Variants in XPO1 observed in about 807,000 individuals in gnomAD.
XPO1 encodes the protein exportin-1.
A neutral mutation model predicts 133.3 loss-of-function variants in XPO1; 5 were observed. That is an observed-to-expected ratio of 0.04 (90% CI 0.02 to 0.08). XPO1 has a LOEUF of 0.08. Among genes scored for constraint, XPO1 ranks in the 10% least tolerant of loss-of-function variants. The pLI is 1.00. For missense variants in XPO1, 506 were observed against 1,267.5 expected, an observed-to-expected ratio of 0.40 and a Z score of 9.12; for synonymous variants, 419 against 408.2, an observed-to-expected ratio of 1.03 and a Z score of -0.32.
intron 22 of XPO1, 173 bp from the exon 23 acceptor site, chr2:61,482,712 TCTC>T: frequency 1.3e-6 from 1 of 758,132 alleles, no homozygotes. Flanking sequence ...TCCAAGCCAT[TCTC>T]CTGCCTCAGC....
At chr2:61,500,952 A>G (rs1697484385) in intron 6 of XPO1, among the ~76,000 whole-genome samples, 1 of 152,252 alleles carries the variant, frequency 6.6e-6, no homozygotes, top group South Asian at 2.1e-4. Context: ...GAGAGGACGC[A>G]CTGCAATCGG....
rs1009995284 is a variant in XPO1, at chr2:61,491,967, C to G, written c.1887+68G>C. On this transcript the variant is annotated intron_variant, in intron 16 of 24. Coordinates refer to ENST00000401558, the MANE Select transcript of XPO1 (RefSeq NM_003400.4). ...GATCCAATAGTTGCCCTCCTATTTC[C>G]ATTGATACATACAGATTGATACAAG... The G allele has an allele frequency of 1.9e-6, 3 of 1,547,006 alleles. 1 individual carries two copies. The African/African-American group carries it at 4.1e-5, about 21-fold the overall frequency.
chr2:61,522,213 T>C (rs776177624), intron 4 of XPO1, among the ~76,000 whole-genome samples: 2 of 152,122 alleles, frequency 1.3e-5, no homozygotes, highest in Non-Finnish European at 2.9e-5. Context: ...TGAACCACCA[T>C]ACCCAGCTAA....
At chr2:61,497,105 T>C in intron 9 of XPO1, 98 bp from the exon 10 acceptor site, 1 of 1,439,742 alleles carries the variant, frequency 6.9e-7, no homozygotes, top group Admixed American at 2.5e-5. Context: ...AACAATTAAA[T>C]ATAGGGGTAG....
intron 6 of XPO1, 90 bp from the exon 7 acceptor site, chr2:61,499,984 G>A (rs10185759): frequency 1.6e-6 from 2 of 1,264,020 alleles, no homozygotes; most frequent in Admixed American, 5.2e-5. Flanking sequence ...GATAAAGGCA[G>A]GAGTAAGGAT....
At position 61,495,459 on chromosome 2, in the gene XPO1, A is replaced by G. The variant is rs1332048669; in HGVS notation, c.1043T>C (p.Met348Thr). ...CAAAAGCTCCACATATCTTACCTCC[A>G]TAAGAGTTTCCCTGAGATTTAATCT... is the stretch of plus-strand genomic sequence containing the variant. The part of the protein sequence containing the change: ...EKRLNLRETL[M>T]EALHYMLLVS... The change falls in exon 11 of 25, where the codon ATG (methionine) becomes ACG (threonine). Residue 348 changes from methionine (M) to threonine (T), a missense_variant. By Grantham distance (81) the Met-to-Thr change is moderately conservative. Coordinates refer to ENST00000401558, the MANE Select transcript of XPO1 (RefSeq NM_003400.4). 6.4e-7 allele frequency: 1 copy of G among 1,571,568 alleles called. No individual in the cohort carries two copies. The highest frequency in any genetic ancestry group is 2.3e-5 in the East Asian group (1 of 44,050).
intron 22 of XPO1, 127 bp from the exon 23 acceptor site, chr2:61,482,666 CG>C: frequency 1.0e-6 from 1 of 963,554 alleles, no homozygotes; most frequent in Non-Finnish European, 1.5e-6. Context: ...AATGCCGTGG[CG>C]CAATCTTAGT....
intron 1 of XPO1, 116 bp from the exon 2 acceptor site, chr2:61,534,019 G>C: frequency 2.8e-6 from 3 of 1,074,174 alleles, no homozygotes; most frequent in Non-Finnish European, 3.6e-6. Context: ...GAATACTTTA[G>C]AGACTTTAAT....
chr2:61,501,542 T>A (rs1478521684), intron 6 of XPO1, among the ~76,000 whole-genome samples: 4 of 151,764 alleles, frequency 2.6e-5, no homozygotes, highest in Admixed American at 1.3e-4. Flanking sequence ...GCCAACATGG[T>A]GAAACCCTGT....
At chr2:61,499,684 TA>T (rs755362173) in intron 7 of XPO1, 28 bp downstream of exon 7, 1 of 1,542,138 alleles carries the variant, frequency 6.5e-7, no homozygotes, top group East Asian at 2.3e-5. Context: ...GAAATCACTT[TA>T]AAATTCTAAA....
intron 4 of XPO1, among the ~76,000 whole-genome samples, chr2:61,516,273 C>G (rs144166963): frequency 0.019 from 2,931 of 151,734 alleles, 114 homozygotes; most frequent in African/African-American, 0.066. Flanking sequence ...CCACTGCACT[C>G]CAGCCTGGGC....
rs774781800 is a variant in XPO1 at position 61,478,781 on chromosome 2, A to G, written c.*39T>C. ...TACCCACATGCTGTTTTCCTCTGCT[A>G]ACGAGTTGCAGAGAAAAAAAACAGC... On this transcript the variant is annotated 3_prime_UTR_variant, in exon 25 of 25. Transcript: ENST00000401558. 1.3e-5 allele frequency: 21 copies of G among 1,604,196 alleles called. No homozygotes were observed. Among genetic ancestry groups the G allele is most frequent in the Non-Finnish European group, 1.8e-5 (21 of 1,174,554 alleles).
chr2:61,499,973 G>A, intron 6 of XPO1, 79 bp from the exon 7 acceptor site: 1 of 1,363,036 alleles, frequency 7.3e-7, no homozygotes. Context: ...ATTATGTAAT[G>A]GATAAAGGCA....
At chr2:61,506,470 A>T (rs1697819179) in intron 4 of XPO1, among the ~76,000 whole-genome samples, 1 of 152,006 alleles carries the variant, frequency 6.6e-6, no homozygotes, top group African/African-American at 2.4e-5. Flanking sequence ...GCAGTGGCTC[A>T]TGCCTGTAAT....
chr2:61,522,525 T>G, intron 4 of XPO1, 86 bp downstream of exon 4: 1 of 1,163,794 alleles, frequency 8.6e-7, no homozygotes, highest in Non-Finnish European at 1.3e-6. Context: ...TACTAAAGAT[T>G]CATTACATGC....
At position 61,478,947 on chromosome 2, in the gene XPO1, G is replaced by C. The variant is rs1247931252; in HGVS notation, c.3089C>G (p.Thr1030Ser). Reference sequence around the variant, plus strand: ...TCTCTCTTCCAAAAACAAATCAGAAGTGTCTTCACCTGCAAATTCCTGTGA... The same window carrying C: ...TCTCTCTTCCAAAAACAAATCAGAACTGTCTTCACCTGCAAATTCCTGTGA... ...VQIKEFAGED[T>S]SDLFLEEREI... Residue 1030 changes from threonine (T) to serine (S), a missense_variant, in exon 25 of 25, where the codon ACT (threonine) becomes AGT (serine). Coordinates refer to ENST00000401558, the MANE Select transcript of XPO1 (RefSeq NM_003400.4). 1 of 1,613,596 alleles carries C rather than the reference G, an allele frequency of 6.2e-7. No individual in the cohort carries two copies. Among genetic ancestry groups the C allele is most frequent in the East Asian group, 2.2e-5 (1 of 44,846 alleles).
chr2:61,510,783 A>G (rs1260547753), intron 4 of XPO1, among the ~76,000 whole-genome samples: 3 of 151,948 alleles, frequency 2.0e-5, no homozygotes, highest in Admixed American at 1.3e-4. Flanking sequence ...CAAAAAATAG[A>G]AACAGTGAGC....
At chr2:61,506,877 A>G (rs1697845688) in intron 4 of XPO1, among the ~76,000 whole-genome samples, 1 of 152,062 alleles carries the variant, frequency 6.6e-6, no homozygotes, top group Non-Finnish European at 1.5e-5. Context: ...ACATTTACAT[A>G]ACACATTTCA....
At chr2:61,526,317 T>C (rs551370011) in intron 3 of XPO1, 103 bp downstream of exon 3, 182 of 1,463,066 alleles carry the variant, frequency 1.2e-4, no homozygotes, top group Non-Finnish European at 1.5e-4. Flanking sequence ...CAATATAAAA[T>C]AATTTGAGAT....
Sources: allele counts gnomAD v4.1 joint callset (sites outside exome capture counted in the v4.1 genomes callset), GRCh38; gene constraint gnomAD v4.1.1; transcripts MANE v1.5; gene names NCBI Gene and HGNC (gene_info 2026-07-23, HGNC 2026-07-21).